TBC1D32: variants seen among roughly 807,000 people sequenced by gnomAD.
TBC1D32 encodes TBC1 domain family member 32, also known as protein broad-minded.
Under a neutral mutation model 170.3 loss-of-function variants are expected in TBC1D32, and 151 were observed. The ratio of observed to expected loss-of-function variants is 0.89; its 90% CI spans 0.78 to 1.01. The LOEUF (loss-of-function observed/expected upper bound fraction) is 1.01, where lower values mean the gene tolerates loss of function less well. TBC1D32 is among the 50% of genes least tolerant of loss of function. The pLI is 0.00. For missense variants in TBC1D32, 1,464 were observed against 1,457.1 expected (o/e 1.00, Z -0.08); for synonymous variants, 498 against 488.0 (o/e 1.02, Z -0.27).
At chr6:121,309,814 A>T (rs1333018281) in intron 4 of TBC1D32, among the ~76,000 whole-genome samples, 3 of 152,128 alleles carry the variant, frequency 2.0e-5, no homozygotes, top group African/African-American at 7.2e-5. Context: ...GAGGTGGATC[A>T]CTTGAGCACA....
intron 24 of TBC1D32, among the ~76,000 whole-genome samples, chr6:121,139,001 C>T (rs369970697): frequency 2.6e-5 from 4 of 152,094 alleles, no homozygotes; most frequent in East Asian, 1.9e-4. Flanking sequence ...CCCGCCACCA[C>T]GCCTGGCTAA....
intron 27 of TBC1D32, 55 bp from the exon 28 acceptor site, chr6:121,113,232 T>A: frequency 1.7e-6 from 2 of 1,165,018 alleles, no homozygotes; most frequent in Non-Finnish European, 2.5e-6. Context: ...TTGAATGTTT[T>A]AAAATTACTT....
chr6:121,199,288 C>G (rs578173510), intron 22 of TBC1D32, among the ~76,000 whole-genome samples: 1 of 151,312 alleles, frequency 6.6e-6, no homozygotes, highest in South Asian at 2.1e-4. Flanking sequence ...ATTACTTAAT[C>G]CTTTAAAATT....
chr6:121,208,191 G>T (rs769480719), intron 21 of TBC1D32, among the ~76,000 whole-genome samples: 2 of 151,956 alleles, frequency 1.3e-5, no homozygotes, highest in Non-Finnish European at 2.9e-5. Context: ...CATTGCAGAG[G>T]TTAAGAGTCT....
At chr6:121,132,522 T>C (rs1562590641) in intron 24 of TBC1D32, among the ~76,000 whole-genome samples, 1 of 152,006 alleles carries the variant, frequency 6.6e-6, no homozygotes, top group East Asian at 1.9e-4. Context: ...ACTCAGTATA[T>C]AGGTAACTGC....
chr6:121,268,451 A>T (rs1800860818), intron 15 of TBC1D32, among the ~76,000 whole-genome samples: 1 of 152,178 alleles, frequency 6.6e-6, no homozygotes, highest in Non-Finnish European at 1.5e-5. Context: ...TGGCATGAGA[A>T]CTACGTGACG....
At position 121,092,045 on chromosome 6, in the gene TBC1D32, T is replaced by C. The variant is rs538122418; in HGVS notation, c.3466-1004A>G. Among the ~76,000 whole-genome samples, 11 of 152,286 alleles carry C rather than the reference T, an allele frequency of 7.2e-5. 1 individual carries two copies. The South Asian group carries it at 1.9e-3, about 26-fold the overall frequency. On this transcript the variant is annotated intron_variant, in intron 30 of 31. Transcript: ENST00000398212. ...CCAGGAGAGAGGTAAGTAACAGTTC[T>C]TTCCTTAGCAACTATGGAGTGAACA... is the stretch of plus-strand genomic sequence containing the variant.
rs371430444 is a variant in TBC1D32 at position 121,172,332 on chromosome 6, C to G, written c.2571-11276G>C. ...ACAGGCTAAGGAGTTACAATGTTGG[C>G]TGGGGTGACTGACCTGGACTATCAA... On this transcript the variant is annotated intron_variant, in intron 22 of 31. Coordinates refer to ENST00000398212, the MANE Select transcript of TBC1D32 (RefSeq NM_152730.6). Among the ~76,000 whole-genome samples, 5 of 152,128 alleles carry G rather than the reference C, an allele frequency of 3.3e-5. No homozygotes were observed. The East Asian group carries it at 9.6e-4, about 29-fold the overall frequency.
intron 12 of TBC1D32, among the ~76,000 whole-genome samples, chr6:121,286,514 A>G (rs1803861245): frequency 6.6e-6 from 1 of 151,964 alleles, no homozygotes; most frequent in South Asian, 2.1e-4. Flanking sequence ...AAAAGACCAA[A>G]TCTACGTCTG....
At chr6:121,160,177 ATTG>A (rs1175291452) in intron 23 of TBC1D32, 74 bp from the exon 24 acceptor site, 1 of 1,016,410 alleles carries the variant, frequency 9.8e-7, no homozygotes, top group Non-Finnish European at 1.5e-6. Context: ...TATCTGAAAT[ATTG>A]TTAACTTAAA....
At chr6:121,269,889 G>C (rs1801118067) in intron 15 of TBC1D32, among the ~76,000 whole-genome samples, 1 of 152,060 alleles carries the variant, frequency 6.6e-6, no homozygotes, top group Non-Finnish European at 1.5e-5. Flanking sequence ...AAATGTAAAA[G>C]AACAGAAATT....
intron 31 of TBC1D32, among the ~76,000 whole-genome samples, chr6:121,085,318 CACAT>C (rs1776122794): frequency 1.4e-5 from 2 of 141,042 alleles, no homozygotes; most frequent in East Asian, 2.0e-4. Context: ...TACATATATA[CACAT>C]ATATATATAC....
intron 15 of TBC1D32, among the ~76,000 whole-genome samples, chr6:121,262,051 C>A (rs1428580614): frequency 1.3e-5 from 2 of 152,128 alleles, no homozygotes; most frequent in African/African-American, 4.8e-5. Context: ...TGAAGACTAT[C>A]TTGCTGAAAT....
intron 24 of TBC1D32, among the ~76,000 whole-genome samples, chr6:121,132,537 T>C (rs934253635): frequency 2.0e-5 from 3 of 152,112 alleles, no homozygotes; most frequent in South Asian, 2.1e-4. Flanking sequence ...AACTGCTTCT[T>C]TGAGTCTTCA....
intron 21 of TBC1D32, among the ~76,000 whole-genome samples, chr6:121,219,082 G>A (rs1463072910): frequency 6.6e-6 from 1 of 152,098 alleles, no homozygotes; most frequent in Admixed American, 6.6e-5. Flanking sequence ...TTGGGTTTTG[G>A]CAGAACAATT....
intron 25 of TBC1D32, among the ~76,000 whole-genome samples, chr6:121,129,016 C>T (rs911860614): frequency 1.3e-5 from 2 of 152,096 alleles, no homozygotes; most frequent in Non-Finnish European, 2.9e-5. Flanking sequence ...TAAGAAGGCA[C>T]CATCTTTGAA....
intron 15 of TBC1D32, among the ~76,000 whole-genome samples, chr6:121,261,558 A>G (rs1164365267): frequency 5.9e-5 from 9 of 152,334 alleles, no homozygotes; most frequent in African/African-American, 1.7e-4. Flanking sequence ...CAATTGAAAG[A>G]AAAACAAACA....
chr6:121,208,018 T>C (rs745544768), intron 21 of TBC1D32, among the ~76,000 whole-genome samples: 1 of 151,792 alleles, frequency 6.6e-6, no homozygotes, highest in African/African-American at 2.4e-5. Flanking sequence ...ACTCCTTCCT[T>C]GGGATTTTTC....
At chr6:121,147,447 T>C (rs889858831) in intron 24 of TBC1D32, among the ~76,000 whole-genome samples, 1 of 152,188 alleles carries the variant, frequency 6.6e-6, no homozygotes, top group African/African-American at 2.4e-5. Flanking sequence ...AGTGTGTAAG[T>C]GTTCTCTTTT....
Sources: allele counts gnomAD v4.1 joint callset (sites outside exome capture counted in the v4.1 genomes callset), GRCh38; gene constraint gnomAD v4.1.1; transcripts MANE v1.5; gene names NCBI Gene and HGNC (gene_info 2026-07-23, HGNC 2026-07-21).